The following PVT1 variants were observed in gnomAD, a reference collection of about 807,000 sequenced individuals.
PVT1 encodes CXCR4/PVT1 fusion.
intron 3 of PVT1, among the ~76,000 whole-genome samples, chr8:127,930,350 A>G (rs564392673): frequency 6.6e-6 from 1 of 152,062 alleles, no homozygotes; most frequent in Non-Finnish European, 1.5e-5. Context: ...GTAGAGACGA[A>G]GTTTTGCCAT....
At chr8:127,966,706 C>T (rs1450224921) in intron 3 of PVT1, among the ~76,000 whole-genome samples, 1 of 152,158 alleles carries the variant, frequency 6.6e-6, no homozygotes, top group Non-Finnish European at 1.5e-5. Flanking sequence ...TTAAATAGCC[C>T]TCCCTATGTA....
chr8:127,856,992 G>A (rs1027432296), intron 2 of PVT1, among the ~76,000 whole-genome samples: 1 of 152,136 alleles, frequency 6.6e-6, no homozygotes, highest in Non-Finnish European at 1.5e-5. Flanking sequence ...TTGGGAGGCC[G>A]AGGCAGGTGG....
intron 2 of PVT1, among the ~76,000 whole-genome samples, chr8:127,843,036 C>T (rs1188337825): frequency 6.6e-6 from 1 of 152,172 alleles, no homozygotes; most frequent in Non-Finnish European, 1.5e-5. Context: ...TGGGACCCTA[C>T]CTACCACACA....
At chr8:127,801,849 A>G (rs1464246224) in intron 2 of PVT1, among the ~76,000 whole-genome samples, 1 of 152,180 alleles carries the variant, frequency 6.6e-6, no homozygotes, top group Non-Finnish European at 1.5e-5. Flanking sequence ...TTAAACACAC[A>G]TTGGATTTCA....
chr8:127,822,449 T>C (rs971707385), intron 2 of PVT1, among the ~76,000 whole-genome samples: 9 of 151,930 alleles, frequency 5.9e-5, no homozygotes, highest in African/African-American at 1.2e-4. Context: ...TAGTGGCGAG[T>C]GCCTGTAGTC....
At chr8:127,862,655 C>G (rs775155895) in intron 2 of PVT1, among the ~76,000 whole-genome samples, 1 of 152,082 alleles carries the variant, frequency 6.6e-6, no homozygotes, top group Non-Finnish European at 1.5e-5. Flanking sequence ...CTCCTGGCCT[C>G]GGGCAATCCT....
At chr8:127,908,244 G>A (rs1033825712) in intron 3 of PVT1, among the ~76,000 whole-genome samples, 1 of 151,932 alleles carries the variant, frequency 6.6e-6, no homozygotes, top group African/African-American at 2.4e-5. Flanking sequence ...TTTCACGTTG[G>A]TCGGCCGTGA....
chr8:127,832,113 A>G (rs1386265402), intron 2 of PVT1, among the ~76,000 whole-genome samples: 1 of 152,062 alleles, frequency 6.6e-6, no homozygotes, highest in Non-Finnish European at 1.5e-5. Context: ...GCTGTTTCTT[A>G]AAAGTAAGAG....
intron 3 of PVT1, among the ~76,000 whole-genome samples, chr8:127,954,180 C>T (rs1039923928): frequency 1.3e-5 from 2 of 151,930 alleles, no homozygotes; most frequent in African/African-American, 4.8e-5. Context: ...GAGAATCATT[C>T]TGAGGGATGA....
intron 2 of PVT1, among the ~76,000 whole-genome samples, chr8:127,806,318 G>A (rs2129651538): frequency 6.6e-6 from 1 of 152,214 alleles, no homozygotes; most frequent in East Asian, 1.9e-4. Flanking sequence ...AAAATTAGCT[G>A]GGTGTGGTGG....
chr8:127,937,938 G>A (rs951050052), intron 3 of PVT1, among the ~76,000 whole-genome samples: 15 of 152,184 alleles, frequency 9.9e-5, no homozygotes, highest in African/African-American at 3.4e-4. Context: ...TACATGCTCC[G>A]TCTAGTTCAG....
intron 3 of PVT1, among the ~76,000 whole-genome samples, chr8:127,967,249 T>C (rs555292735): frequency 1.8e-4 from 27 of 151,250 alleles, no homozygotes; most frequent in Non-Finnish European, 3.8e-4. Context: ...TGACCCGGGA[T>C]CTCTCCTGGA....
chr8:128,050,209 T>C (rs1193049689), intron 4 of PVT1, among the ~76,000 whole-genome samples: 1 of 152,218 alleles, frequency 6.6e-6, no homozygotes, highest in Non-Finnish European at 1.5e-5. Flanking sequence ...TTCCTGTTGG[T>C]GCCCACTCTG....
intron 3 of PVT1, among the ~76,000 whole-genome samples, chr8:127,975,307 C>G (rs1265985745): frequency 1.3e-5 from 2 of 152,200 alleles, no homozygotes; most frequent in Non-Finnish European, 2.9e-5. Flanking sequence ...ACAACCTCAT[C>G]AACACTGGGT....
chr8:127,993,216 G>A (rs961150838), intron 4 of PVT1, among the ~76,000 whole-genome samples: 1 of 152,232 alleles, frequency 6.6e-6, no homozygotes, highest in African/African-American at 2.4e-5. Context: ...AGGGGAAAAT[G>A]TGCCCAACTT....
At chr8:128,086,104 CTG>C (rs1814252087) in intron 5 of PVT1, among the ~76,000 whole-genome samples, 1 of 152,202 alleles carries the variant, frequency 6.6e-6, no homozygotes, top group Non-Finnish European at 1.5e-5. Flanking sequence ...CTAAATCTGG[CTG>C]TGAGTCGATA....
chr8:128,020,643 C>T (rs1437936194), intron 4 of PVT1, among the ~76,000 whole-genome samples: 1 of 152,210 alleles, frequency 6.6e-6, no homozygotes, highest in Non-Finnish European at 1.5e-5. Context: ...TCCGCTGTCA[C>T]CTTGAATTCA....
At chr8:128,025,765 T>G (rs1817485953) in intron 4 of PVT1, among the ~76,000 whole-genome samples, 1 of 152,162 alleles carries the variant, frequency 6.6e-6, no homozygotes, top group South Asian at 2.1e-4. Context: ...TTCCAAAGCA[T>G]TTTCACATAC....
intron 3 of PVT1, chr8:127,940,177 T>C (rs1311229038): frequency 2.0e-5 from 3 of 152,208 alleles, no homozygotes; most frequent in Admixed American, 2.0e-4. Context: ...CCAACCCCTA[T>C]GTTAGTTCAT....
Sources: allele counts gnomAD v4.1 joint callset (sites outside exome capture counted in the v4.1 genomes callset), GRCh38; gene constraint gnomAD v4.1.1; transcripts MANE v1.5; gene names NCBI Gene and HGNC (gene_info 2026-07-23, HGNC 2026-07-21).